Variants in VPS13B observed in about 807,000 individuals in gnomAD.
VPS13B encodes intermembrane lipid transfer protein VPS13B.
Under a neutral mutation model 426.4 loss-of-function variants are expected in VPS13B, and 285 were observed. The observed-to-expected ratio is 0.67, with a 90% confidence interval of 0.61 to 0.74. The LOEUF (loss-of-function observed/expected upper bound fraction) is 0.74. Among genes scored for constraint, VPS13B ranks in the 30% least tolerant of loss-of-function variants. The probability of loss-of-function intolerance (pLI) is 0.00; values close to 1 mark genes in which losing one functional copy is unlikely to be tolerated. For synonymous variants in VPS13B, 1,676 were observed against 1,676.4 expected (o/e 1.00, Z 0.01); for missense variants, 4,537 against 4,782.6 (o/e 0.95, Z 1.51).
chr8:99,053,003 T>C (rs555130843), intron 3 of VPS13B, among the ~76,000 whole-genome samples: 63 of 152,258 alleles, frequency 4.1e-4, no homozygotes, highest in African/African-American at 1.4e-3. Context: ...CATTGATTTT[T>C]TGAAGGGTTT....
chr8:99,410,639 G>A (rs534434165), intron 21 of VPS13B, among the ~76,000 whole-genome samples: 2 of 151,712 alleles, frequency 1.3e-5, no homozygotes, highest in South Asian at 4.2e-4. Flanking sequence ...AGGTATACAC[G>A]TGCCATGGTG....
chr8:99,073,161 C>T (rs185929916), intron 3 of VPS13B, among the ~76,000 whole-genome samples: 11 of 152,290 alleles, frequency 7.2e-5, no homozygotes, highest in African/African-American at 2.4e-4. Flanking sequence ...CTCTGGGTCA[C>T]ACCTGATGCT....
At chr8:99,743,716 G>A (rs1278704672) in intron 39 of VPS13B, among the ~76,000 whole-genome samples, 1 of 152,148 alleles carries the variant, frequency 6.6e-6, no homozygotes, top group Non-Finnish European at 1.5e-5. Flanking sequence ...ACAAAAACAA[G>A]CAATGGGGAA....
chr8:99,612,591 G>A (rs924639137), intron 33 of VPS13B, among the ~76,000 whole-genome samples: 5 of 152,084 alleles, frequency 3.3e-5, no homozygotes, highest in Admixed American at 6.5e-5. Flanking sequence ...TTTGCCTGCT[G>A]AACTAAATAA....
chr8:99,275,740 G>T (rs1011350644), intron 19 of VPS13B, among the ~76,000 whole-genome samples: 1 of 151,916 alleles, frequency 6.6e-6, no homozygotes, highest in African/African-American at 2.4e-5. Context: ...GAATAGAATC[G>T]ATTTCATTTT....
chr8:99,407,879 G>A (rs1194717230), intron 21 of VPS13B, among the ~76,000 whole-genome samples: 3 of 152,092 alleles, frequency 2.0e-5, no homozygotes, highest in Admixed American at 2.0e-4. Flanking sequence ...CTGCTGTGCT[G>A]CTGAAATTTT....
At chr8:99,486,835 T>C (rs1022883120) in intron 25 of VPS13B, among the ~76,000 whole-genome samples, 3 of 152,200 alleles carry the variant, frequency 2.0e-5, no homozygotes, top group Non-Finnish European at 4.4e-5. Flanking sequence ...TCTGACACCA[T>C]AGTATTTGTC....
rs1847928125 is a variant in VPS13B, at chr8:99,121,445, A to G, written c.1206A>G (p.Lys402=). Residue 402 remains lysine (K), a splice_region_variant and synonymous_variant, in exon 8 of 62, where the codon AAA becomes AAG. Transcript: ENST00000357162. ...GCACAAAGGCAACGGTGACTTTCAA[A>G]GTAGGTCTTTTCTCTTGCTGTTTAT... ...FYCTKATVTF[K]LTEMQVESSY... 6.2e-7 allele frequency: 1 copy of G among 1,614,048 alleles called. No homozygotes were observed. The highest frequency in any genetic ancestry group is 1.3e-5 in the African/African-American group (1 of 74,946).
At chr8:99,770,381 C>G (rs1234458246) in intron 40 of VPS13B, among the ~76,000 whole-genome samples, 2 of 143,298 alleles carry the variant, frequency 1.4e-5, no homozygotes, top group Non-Finnish European at 3.1e-5. Context: ...GTTTATCTTA[C>G]TCCCATCGTG....
chr8:99,054,182 A>G (rs1216975882), intron 3 of VPS13B, among the ~76,000 whole-genome samples: 2 of 152,192 alleles, frequency 1.3e-5, no homozygotes, highest in African/African-American at 2.4e-5. Flanking sequence ...GTTCTTTTGC[A>G]TATATACTGA....
At chr8:99,417,841 C>T (rs1816118083) in intron 21 of VPS13B, among the ~76,000 whole-genome samples, 1 of 151,922 alleles carries the variant, frequency 6.6e-6, no homozygotes, top group African/African-American at 2.4e-5. Context: ...TGCCCCATGA[C>T]TTTCCATTGA....
At chr8:99,358,511 T>G (rs1475940388) in intron 19 of VPS13B, among the ~76,000 whole-genome samples, 1 of 152,218 alleles carries the variant, frequency 6.6e-6, no homozygotes, top group East Asian at 1.9e-4. Context: ...CGTAACCATA[T>G]GAGAAGAATG....
chr8:99,171,486 A>G (rs980866929), intron 16 of VPS13B, among the ~76,000 whole-genome samples: 1 of 151,988 alleles, frequency 6.6e-6, no homozygotes, highest in East Asian at 1.9e-4. Context: ...AAAAGTCCAT[A>G]TTTTTCAAAA....
At chr8:99,486,185 A>G (rs544277200) in intron 25 of VPS13B, among the ~76,000 whole-genome samples, 289 of 151,512 alleles carry the variant, frequency 1.9e-3, no homozygotes, top group Non-Finnish European at 3.3e-3. Context: ...TCATATAAGT[A>G]GTATGCACGA....
chr8:99,218,693 CAGT>C (rs1815518570), intron 17 of VPS13B, among the ~76,000 whole-genome samples: 1 of 152,150 alleles, frequency 6.6e-6, no homozygotes, highest in Admixed American at 6.5e-5. Context: ...GTTATGGCCA[CAGT>C]GGTGCAGAGG....
intron 39 of VPS13B, among the ~76,000 whole-genome samples, chr8:99,754,824 A>G (rs1379756307): frequency 6.6e-6 from 1 of 152,188 alleles, no homozygotes; most frequent in African/African-American, 2.4e-5. Flanking sequence ...TAGTTTCACA[A>G]CAATTACTCT....
At chr8:99,422,553 T>G (rs1181792110) in intron 21 of VPS13B, among the ~76,000 whole-genome samples, 1 of 152,168 alleles carries the variant, frequency 6.6e-6, no homozygotes, top group African/African-American at 2.4e-5. Context: ...TCAAGTAATT[T>G]TAAAATTTGG....
chr8:99,118,918 G>A (rs935578025), intron 7 of VPS13B, among the ~76,000 whole-genome samples: 8 of 152,118 alleles, frequency 5.3e-5, no homozygotes, highest in African/African-American at 1.4e-4. Flanking sequence ...ACTTAAGAGT[G>A]GAATTATATG....
Position 99,854,115 on chromosome 8 carries a change from G to A in VPS13B, c.10726G>A (p.Ala3576Thr), listed in dbSNP as rs779069069. The change falls in exon 56 of 62, where the codon GCT (alanine) becomes ACT (threonine). Residue 3576 changes from alanine to threonine, a missense_variant. Ala to Thr is a moderately conservative substitution (Grantham distance 58, BLOSUM62 0). Around this residue, in one of 2 missense-constraint regions of VPS13B, gnomAD observed 4,311 missense variants for 4,474.3 expected, o/e 0.96. Coordinates refer to ENST00000357162, the MANE Select transcript of VPS13B (RefSeq NM_152564.5). ...AGTAAATTTGCTCGTCAGCATCCACGCTTCCCTCAAGCTGTACATAGCCTC... is the reference window on the plus strand; with the variant it reads ...AGTAAATTTGCTCGTCAGCATCCACACTTCCCTCAAGCTGTACATAGCCTC... The part of the protein sequence containing the change: ...QPVNLLVSIH[A>T]SLKLYIASDH... 10 of 1,612,740 alleles carry A rather than the reference G, an allele frequency of 6.2e-6. No homozygotes were observed. Among genetic ancestry groups the A allele is most frequent in the East Asian group, 2.2e-5 (1 of 44,818 alleles).
Sources: gnomAD v4.1 joint callset for allele counts (sites outside exome capture counted in the v4.1 genomes callset) on GRCh38, gnomAD v4.1.1 for gene constraint, gnomAD v4.1.1 regional missense constraint, MANE v1.5 for transcripts, NCBI Gene and HGNC (gene_info 2026-07-23, HGNC 2026-07-21) for gene names.